Variants in FAM210A observed in about 807,000 individuals in gnomAD.
FAM210A encodes the protein family with sequence similarity 210 member A.
A neutral mutation model predicts 25.3 loss-of-function variants in FAM210A; 13 were observed. The observed-to-expected ratio is 0.51, with a 90% CI of 0.33 to 0.82. FAM210A has a LOEUF of 0.82. FAM210A is among the 40% of genes least tolerant of loss of function. The probability of loss-of-function intolerance (pLI) is 0.02; values close to 1 mark genes in which losing one functional copy is unlikely to be tolerated. For synonymous variants in FAM210A, 125 were observed against 118.7 expected, an observed-to-expected ratio of 1.05 and a Z score of -0.35; for missense variants, 319 against 323.2, an observed-to-expected ratio of 0.99 and a Z score of 0.10.
At chr18:13,679,291 A>G (rs2043529823) in intron 2 of FAM210A, among the ~76,000 whole-genome samples, 1 of 152,234 alleles carries the variant, frequency 6.6e-6, no homozygotes, top group Non-Finnish European at 1.5e-5. Flanking sequence ...CAACAAGCAA[A>G]TAACACAGAA....
At chr18:13,714,828 G>A (rs2149069953) in intron 1 of FAM210A, among the ~76,000 whole-genome samples, 1 of 152,176 alleles carries the variant, frequency 6.6e-6, no homozygotes, top group African/African-American at 2.4e-5. Context: ...TATCTTGGGG[G>A]ATTTAACACC....
chr18:13,722,272 C>A (rs2043903203), intron 1 of FAM210A, among the ~76,000 whole-genome samples: 1 of 151,502 alleles, frequency 6.6e-6, no homozygotes, highest in Non-Finnish European at 1.5e-5. Flanking sequence ...CCTACTTACT[C>A]TTTGGTGATC....
At chr18:13,709,215 T>A (rs1447408249) in intron 1 of FAM210A, among the ~76,000 whole-genome samples, 1 of 152,172 alleles carries the variant, frequency 6.6e-6, no homozygotes, top group Non-Finnish European at 1.5e-5. Context: ...TTTTTAAAAC[T>A]TTCCCATTTT....
chr18:13,667,103 C>T (rs1053216977), intron 3 of FAM210A, among the ~76,000 whole-genome samples: 2 of 152,224 alleles, frequency 1.3e-5, no homozygotes, highest in Non-Finnish European at 2.9e-5. Flanking sequence ...TGCTTTCTAT[C>T]TGGAGCTAAA....
intron 1 of FAM210A, among the ~76,000 whole-genome samples, chr18:13,707,770 T>C (rs1470480045): frequency 6.6e-6 from 1 of 152,220 alleles, no homozygotes; most frequent in Non-Finnish European, 1.5e-5. Context: ...TCTTGGCCAA[T>C]CCCAGTGGCC....
intron 1 of FAM210A, among the ~76,000 whole-genome samples, chr18:13,721,773 C>T (rs894157793): frequency 2.0e-5 from 3 of 152,084 alleles, no homozygotes; most frequent in African/African-American, 4.8e-5. Flanking sequence ...TCAACAAGTC[C>T]CTACTCTGAA....
chr18:13,692,036 C>A, intron 1 of FAM210A, among the ~76,000 whole-genome samples: 2 of 144,608 alleles, frequency 1.4e-5, no homozygotes, highest in African/African-American at 2.6e-5. Flanking sequence ...CACACAGACT[C>A]AAAATAAAGG....
At chr18:13,701,991 G>A (rs7226490) in intron 1 of FAM210A, among the ~76,000 whole-genome samples, 41,148 of 152,112 alleles carry the variant, frequency 0.27, 6,377 homozygotes, top group Non-Finnish European at 0.36. Context: ...ATAATTTGGC[G>A]CCCCCATGCA....
chr18:13,697,338 G>A (rs189996061), intron 1 of FAM210A, among the ~76,000 whole-genome samples: 2 of 152,154 alleles, frequency 1.3e-5, no homozygotes, highest in African/African-American at 4.8e-5. Flanking sequence ...GTTCAATGCC[G>A]CATCATTAGA....
intron 1 of FAM210A, among the ~76,000 whole-genome samples, chr18:13,687,401 C>T (rs2043606516): frequency 6.6e-6 from 1 of 152,152 alleles, no homozygotes; most frequent in Admixed American, 6.5e-5. Flanking sequence ...TGGCCCACAC[C>T]TGTTACACTA....
chr18:13,671,304 A>C (rs900183342), intron 3 of FAM210A, among the ~76,000 whole-genome samples: 2 of 152,148 alleles, frequency 1.3e-5, no homozygotes, highest in Non-Finnish European at 2.9e-5. Flanking sequence ...AAAACAAAAA[A>C]CAGTAAAATA....
At chr18:13,725,377 T>C (rs1044672191) in intron 1 of FAM210A, among the ~76,000 whole-genome samples, 1 of 152,192 alleles carries the variant, frequency 6.6e-6, no homozygotes, top group Non-Finnish European at 1.5e-5. Context: ...GGTTCAAAGT[T>C]TGTAACCTCA....
intron 1 of FAM210A, among the ~76,000 whole-genome samples, chr18:13,682,454 G>C (rs1234388788): frequency 6.6e-6 from 1 of 152,060 alleles, no homozygotes; most frequent in African/African-American, 2.4e-5. Flanking sequence ...TGTAATTCCA[G>C]CTACTCAGGA....
chr18:13,677,090 T>C (rs1478833779), intron 2 of FAM210A, among the ~76,000 whole-genome samples: 1 of 151,844 alleles, frequency 6.6e-6, no homozygotes, highest in African/African-American at 2.4e-5. Flanking sequence ...TTTTTTTCTT[T>C]TTGAGACAGA....
At chr18:13,711,613 C>A (rs1193860121) in intron 1 of FAM210A, among the ~76,000 whole-genome samples, 2 of 152,200 alleles carry the variant, frequency 1.3e-5, no homozygotes, top group South Asian at 2.1e-4. Context: ...CAGCTCCTTT[C>A]TTCTGCTTTT....
intron 1 of FAM210A, among the ~76,000 whole-genome samples, chr18:13,718,217 G>A (rs1199682630): frequency 6.6e-6 from 1 of 152,156 alleles, no homozygotes; most frequent in African/African-American, 2.4e-5. Flanking sequence ...TTGTTACACA[G>A]CAACAGAAAA....
chr18:13,672,960 G>A (rs910480993), intron 2 of FAM210A, among the ~76,000 whole-genome samples: 3 of 152,138 alleles, frequency 2.0e-5, no homozygotes, highest in East Asian at 1.9e-4. Flanking sequence ...CAACTTCTCC[G>A]TTTCCAGCTT....
chr18:13,665,944 A>G lies in FAM210A; in HGVS notation c.*536T>C, dbSNP rs1277427786. ...TGGATCTTTATTCTATTTTCTTCATATAAGATATTTTAACTGGTAGGTAAC... is the reference window on the plus strand; with the variant it reads ...TGGATCTTTATTCTATTTTCTTCATGTAAGATATTTTAACTGGTAGGTAAC... On this transcript the variant is annotated 3_prime_UTR_variant, in exon 4 of 4. Coordinates refer to ENST00000651643, the MANE Select transcript of FAM210A (RefSeq NM_152352.4). 1.3e-5 allele frequency: 2 copies of G among 153,130 alleles called. No homozygotes were observed. Among genetic ancestry groups the G allele is most frequent in the East Asian group, 3.8e-4 (2 of 5,222 alleles). The allele number at this position is 153,130 out of a possible 1,614,324, so 9.5% of individuals were successfully genotyped here.
chr18:13,715,016 T>C (rs530863955), intron 1 of FAM210A: 1 of 152,136 alleles, frequency 6.6e-6, no homozygotes. Flanking sequence ...GATATATATA[T>C]ATATGCACAT....
Sources: allele counts gnomAD v4.1 joint callset (sites outside exome capture counted in the v4.1 genomes callset), GRCh38; gene constraint gnomAD v4.1.1; transcripts MANE v1.5; gene names NCBI Gene and HGNC (gene_info 2026-07-23, HGNC 2026-07-21).